Variants in ERO1A observed in about 807,000 individuals in gnomAD.
ERO1A encodes the protein ERO1-like protein alpha.
A neutral mutation model predicts 76.9 loss-of-function variants in ERO1A; 49 were observed. That is an observed-to-expected ratio of 0.64 (90% CI 0.51 to 0.81). The LOEUF (loss-of-function observed/expected upper bound fraction) is 0.81, where lower values mean the gene tolerates loss of function less well. ERO1A is among the 30% of genes least tolerant of loss of function. The pLI is 0.00. For synonymous variants in ERO1A, 174 were observed against 181.2 expected, an observed-to-expected ratio of 0.96 and a Z score of 0.32; for missense variants, 448 against 542.1, an observed-to-expected ratio of 0.83 and a Z score of 1.72.
intron 1 of ERO1A, among the ~76,000 whole-genome samples, chr14:52,690,341 A>C (rs2041313928): frequency 6.6e-6 from 1 of 152,260 alleles, no homozygotes; most frequent in Non-Finnish European, 1.5e-5. Context: ...CAACCTACAG[A>C]ATGGGAGAAA....
chr14:52,675,153 A>G (rs1020053933), intron 4 of ERO1A, among the ~76,000 whole-genome samples: 1 of 152,070 alleles, frequency 6.6e-6, no homozygotes, highest in Non-Finnish European at 1.5e-5. Context: ...GGAGGCCGAG[A>G]CAGGTGGATC....
At chr14:52,668,763 T>C (rs1368967642) in intron 6 of ERO1A, among the ~76,000 whole-genome samples, 1 of 148,264 alleles carries the variant, frequency 6.7e-6, no homozygotes, top group Non-Finnish European at 1.5e-5. Context: ...ATATTACAAA[T>C]CTTATAATTA....
Position 52,656,333 on chromosome 14 carries a change from GA to G in ERO1A, c.808+1583del, listed in dbSNP as rs961145077. Among the ~76,000 whole-genome samples, 10 of 151,556 alleles carry G rather than the reference GA, an allele frequency of 6.6e-5. No homozygotes were observed. The South Asian group carries it at 8.3e-4, about 13-fold the overall frequency. On this transcript the variant is annotated intron_variant, in intron 11 of 15. Transcript: ENST00000395686. ...TAATAAAATTTCCTTTTTTAAAGATGAAAAAAAATAATAGTCAAACTTCTGA... is the reference window on the plus strand; with the variant it reads ...TAATAAAATTTCCTTTTTTAAAGATGAAAAAAATAATAGTCAAACTTCTGA...
rs765743043 is a variant in ERO1A, at chr14:52,658,145, T to A, written c.694A>T (p.Thr232Ser). 4.7e-6 allele frequency: 7 copies of A among 1,499,890 alleles called. No homozygotes were observed. In the South Asian group the frequency reaches 8.4e-5, roughly 18 times the overall value. 92.9% of individuals were successfully genotyped at this position (1,499,890 alleles called of 1,614,324 possible). A position where few individuals can be genotyped will look rare whatever the true frequency, so the allele number is the denominator to read the frequency against. The part of the protein sequence containing the change: ...ASGQGTSEEN[T>S]FYSWLEGLCV... The stretch of plus-strand genomic sequence containing the variant: ...TTACCTTCTAGCCAACTGTAAAAAG[T>A]GTTCTCTGAAATCAAAAGAAAAATA... Residue 232 changes from threonine to serine, a missense_variant, in exon 10 of 16, where the codon ACT becomes TCT. Around this residue, in one of 2 missense-constraint regions of ERO1A, gnomAD observed 302 missense variants for 411.9 expected, o/e 0.73. Transcript: ENST00000395686.
intron 3 of ERO1A, among the ~76,000 whole-genome samples, chr14:52,682,061 G>A (rs1566645941): frequency 6.6e-6 from 1 of 152,022 alleles, no homozygotes; most frequent in Non-Finnish European, 1.5e-5. Context: ...TTTAAACTAA[G>A]GACTGCACGA....
intron 9 of ERO1A, among the ~76,000 whole-genome samples, chr14:52,661,083 G>C (rs191413778): frequency 6.6e-6 from 1 of 152,282 alleles, no homozygotes; most frequent in East Asian, 1.9e-4. Flanking sequence ...AATGATCAGA[G>C]GCTGAGGCAC....
At chr14:52,663,001 G>A (rs2040278547) in intron 8 of ERO1A, among the ~76,000 whole-genome samples, 1 of 152,136 alleles carries the variant, frequency 6.6e-6, no homozygotes, top group Non-Finnish European at 1.5e-5. Flanking sequence ...CATGAGGAGG[G>A]AGAAATACTT....
chr14:52,666,577 T>C, intron 6 of ERO1A, 82 bp from the exon 7 acceptor site: 1 of 1,218,814 alleles, frequency 8.2e-7, no homozygotes, highest in African/African-American at 1.6e-5. Context: ...ATTCCATTGA[T>C]TCTAACGCAC....
chr14:52,669,160 G>C (rs144859977), intron 6 of ERO1A, among the ~76,000 whole-genome samples: 1 of 151,936 alleles, frequency 6.6e-6, no homozygotes, highest in Non-Finnish European at 1.5e-5. Context: ...ATTTATTCCT[G>C]CTAAAGCTTT....
chr14:52,675,669 C>G (rs1396838105), intron 4 of ERO1A, among the ~76,000 whole-genome samples: 1 of 152,084 alleles, frequency 6.6e-6, no homozygotes, highest in African/African-American at 2.4e-5. Flanking sequence ...GGGTCTCACT[C>G]TGTCTCCCAG....
intron 6 of ERO1A, 68 bp from the exon 7 acceptor site, chr14:52,666,563 C>G: frequency 7.3e-7 from 1 of 1,368,144 alleles, no homozygotes; most frequent in South Asian, 1.3e-5. Flanking sequence ...CTACACAAGA[C>G]TGTATTCCAT....
chr14:52,692,143 T>G lies in ERO1A; in HGVS notation c.114+3225A>C, dbSNP rs554567925. ...TACTCCTGTTGGCATAGTGCTTGCA[T>G]CTTATAATTTCCCTAGGACTTGTTG... On this transcript the variant is annotated intron_variant, in intron 1 of 15. Transcript: ENST00000395686. 3.7e-4 allele frequency among the ~76,000 whole-genome samples: 56 copies of G among 152,334 alleles called. 2 individuals carry two copies. In the South Asian group the frequency reaches 0.011, roughly 30 times the overall value.
Position 52,682,369 on chromosome 14 carries a change from T to C in ERO1A, c.274A>G (p.Ser92Gly), listed in dbSNP as rs907729602. 1.2e-6 allele frequency: 2 copies of C among 1,612,384 alleles called. No individual in the cohort carries two copies. Among genetic ancestry groups the C allele is most frequent in the Non-Finnish European group, 1.7e-6 (2 of 1,178,994 alleles). The change falls in exon 3 of 16, where the codon AGC (serine) becomes GGC (glycine). Residue 92 changes from serine (S) to glycine (G), a missense_variant. By Grantham distance (56) the Ser-to-Gly change is moderately conservative. Around this residue, in one of 2 missense-constraint regions of ERO1A, gnomAD observed 146 missense variants for 130.2 expected, o/e 1.12. Transcript: ENST00000395686. ...GCACAGTCCCTTCTTCCACACTGGC[T>C]GATGTCATTCCAGAAAGGACACGGC... ...KRPCPFWNDI[S>G]QCGRRDCAVK...
intron 11 of ERO1A, among the ~76,000 whole-genome samples, chr14:52,654,170 A>G (rs1046455019): frequency 4.0e-5 from 6 of 151,876 alleles, no homozygotes; most frequent in African/African-American, 1.5e-4. Flanking sequence ...CCCCATGAAC[A>G]TTTTCTGTTT....
intron 8 of ERO1A, among the ~76,000 whole-genome samples, chr14:52,662,425 C>T (rs1314128137): frequency 6.6e-6 from 1 of 152,154 alleles, no homozygotes; most frequent in African/African-American, 2.4e-5. Context: ...AATCTCATCC[C>T]CTTCTAGGAG....
chr14:52,671,305 G>C (rs1392072125), intron 6 of ERO1A, among the ~76,000 whole-genome samples: 1 of 152,154 alleles, frequency 6.6e-6, no homozygotes, highest in Non-Finnish European at 1.5e-5. Context: ...TTTGCCATCT[G>C]TTTGAGTCCC....
intron 2 of ERO1A, among the ~76,000 whole-genome samples, 174 bp from the exon 3 acceptor site, chr14:52,682,582 T>C (rs1018977032): frequency 2.0e-5 from 3 of 152,150 alleles, no homozygotes; most frequent in Non-Finnish European, 2.9e-5. Context: ...CTGGTATAAG[T>C]AAATTGGTAG....
intron 11 of ERO1A, among the ~76,000 whole-genome samples, chr14:52,654,304 A>G (rs2039973214): frequency 6.6e-6 from 1 of 152,186 alleles, no homozygotes; most frequent in Non-Finnish European, 1.5e-5. Context: ...TATAAAATAT[A>G]GTAGTGCACA....
chr14:52,654,334 A>G (rs531159603), intron 11 of ERO1A, among the ~76,000 whole-genome samples: 1 of 152,284 alleles, frequency 6.6e-6, no homozygotes, highest in South Asian at 2.1e-4. Context: ...TTTTAGATGT[A>G]TTTCCAAAAT....
Sources: allele counts gnomAD v4.1 joint callset (sites outside exome capture counted in the v4.1 genomes callset), GRCh38; gene constraint gnomAD v4.1.1; regional missense constraint gnomAD v4.1.1; transcripts MANE v1.5; gene names NCBI Gene and HGNC (gene_info 2026-07-23, HGNC 2026-07-21).